SPATA24: variants seen among roughly 807,000 people sequenced by gnomAD.
SPATA24 encodes spermatogenesis-associated protein 24.
Under a neutral mutation model 28.9 loss-of-function variants are expected in SPATA24, and 21 were observed. The ratio of observed to expected loss-of-function variants is 0.73; its 90% confidence interval spans 0.52 to 1.05. SPATA24 has a LOEUF of 1.05. Among genes scored for constraint, SPATA24 ranks in the 50% least tolerant of loss-of-function variants. The probability of loss-of-function intolerance (pLI) is 0.00; values close to 1 mark genes in which losing one functional copy is unlikely to be tolerated. For missense variants in SPATA24, 215 were observed against 242.9 expected, an observed-to-expected ratio of 0.88 and a Z score of 0.76; for synonymous variants, 76 against 89.9, an observed-to-expected ratio of 0.85 and a Z score of 0.88.
chr5:139,395,057 C>A (rs769683121), downstream of SPATA24: 2 of 1,418,278 alleles, frequency 1.4e-6, no homozygotes, highest in South Asian at 1.5e-5. Flanking sequence ...CCAGGCAGGG[C>A]TGGCGGGGCG....
chr5:139,403,591 G>A (rs1302412403), intron 1 of SPATA24, among the ~76,000 whole-genome samples: 1 of 152,198 alleles, frequency 6.6e-6, no homozygotes, highest in Non-Finnish European at 1.5e-5. Context: ...CGGGAATGGT[G>A]TCCATAATAG....
downstream of SPATA24, chr5:139,393,783 G>C (rs1193313788): frequency 6.4e-7 from 1 of 1,551,322 alleles, no homozygotes; most frequent in Non-Finnish European, 8.7e-7. Context: ...ACTCGGAGGA[G>C]GCTTCAGGGA....
At chr5:139,393,777 G>C (rs980045158), downstream of SPATA24, 7 of 1,551,330 alleles carry the variant, frequency 4.5e-6, no homozygotes, top group African/African-American at 6.8e-5. Flanking sequence ...TTTCCCACTC[G>C]GAGGAGGCTT....
chr5:139,393,109 T>G (rs1415962032), downstream of SPATA24: 6 of 1,524,380 alleles, frequency 3.9e-6, no homozygotes, highest in South Asian at 7.4e-5. Flanking sequence ...GCCGCCCTCC[T>G]CCCCGCAGGG....
chr5:139,397,182 T>C (rs1758729935), intron 4 of SPATA24, 39 bp from the exon 5 acceptor site: 1 of 1,473,138 alleles, frequency 6.8e-7, no homozygotes, highest in Non-Finnish European at 9.3e-7. Flanking sequence ...GTGGTTCCCA[T>C]CCCAGGGCTC....
At chr5:139,393,119 G>T (rs1232977793), downstream of SPATA24, 11 of 1,529,734 alleles carry the variant, frequency 7.2e-6, no homozygotes, top group Non-Finnish European at 8.8e-6. Flanking sequence ...TCCCCGCAGG[G>T]GTCGGCAGGA....
At chr5:139,403,872 ACAGGTT>A in intron 1 of SPATA24, 66 bp downstream of exon 1, 1 of 1,306,418 alleles carries the variant, frequency 7.7e-7, no homozygotes, top group Non-Finnish European at 1.1e-6. Flanking sequence ...CCGCATCGGA[ACAGGTT>A]CTGGCCCCGC....
chr5:139,392,712 G>C (rs1165097566), downstream of SPATA24: 6 of 1,406,418 alleles, frequency 4.3e-6, no homozygotes, highest in South Asian at 6.4e-5. This position sits in a 1 kb window ranked among gnomAD's most constrained non-coding sequence, Gnocchi z 5.8. Flanking sequence ...CTGGCCCTAC[G>C]GGGGAGCGCT....
At chr5:139,400,597 C>T (rs986676627) in intron 4 of SPATA24, among the ~76,000 whole-genome samples, 8 of 151,918 alleles carry the variant, frequency 5.3e-5, no homozygotes, top group Admixed American at 2.0e-4. Context: ...CATGAGCCAC[C>T]GCGCCCAGCC....
rs1417713662 is a variant in SPATA24, at chr5:139,404,069, C to T, written c.-9G>A. On this transcript the variant is annotated 5_prime_UTR_variant, in exon 1 of 6. Coordinates refer to ENST00000450845, the MANE Select transcript of SPATA24 (RefSeq NM_194296.2). ...CCGAGGGGCGTCGCCATCTTCCGCC[C>T]CCGCCAGCTAGTTGGAAATGGCTGC... The T allele has an allele frequency of 6.5e-6, 10 of 1,550,208 alleles. No homozygotes were observed. In the East Asian group the frequency reaches 2.0e-4, roughly 30 times the overall value.
chr5:139,403,445 C>A (rs1222824875), intron 1 of SPATA24, among the ~76,000 whole-genome samples: 2 of 152,222 alleles, frequency 1.3e-5, no homozygotes, highest in African/African-American at 4.8e-5. Flanking sequence ...GACTGCAATG[C>A]TTTGCACCCA....
downstream of SPATA24, chr5:139,394,230 C>T: frequency 6.5e-7 from 1 of 1,548,672 alleles, no homozygotes; most frequent in Non-Finnish European, 8.7e-7. Context: ...TGCTGCGGGC[C>T]GTTTCCCGGG....
downstream of SPATA24, chr5:139,395,101 C>T: frequency 1.4e-6 from 2 of 1,390,422 alleles, no homozygotes; most frequent in Non-Finnish European, 1.9e-6. Flanking sequence ...GGACGCCGTG[C>T]ACTATCTCCC....
downstream of SPATA24, chr5:139,393,238 C>T (rs1408742213): frequency 1.3e-6 from 2 of 1,548,886 alleles, no homozygotes; most frequent in African/African-American, 1.4e-5. Context: ...GCGCGGGCGT[C>T]CCGAGGCCGC....
chr5:139,392,606 C>CG, downstream of SPATA24: 1 of 1,369,728 alleles, frequency 7.3e-7, no homozygotes. This position sits in a 1 kb window ranked among gnomAD's most constrained non-coding sequence, Gnocchi z 5.8. Flanking sequence ...GCCGCGGGCT[C>CG]GGGGGCCGTA....
At chr5:139,402,931 G>C (rs935595833) in intron 1 of SPATA24, among the ~76,000 whole-genome samples, 11 of 152,242 alleles carry the variant, frequency 7.2e-5, no homozygotes, top group Middle Eastern at 3.2e-3. Flanking sequence ...CTAACATGTT[G>C]TGTGCCTTGA....
chr5:139,395,643 A>C (rs193088576), downstream of SPATA24: 49 of 152,656 alleles, frequency 3.2e-4, no homozygotes, highest in Admixed American at 1.6e-3. Flanking sequence ...TCTTGACCCC[A>C]GTTACACTCT....
intron 2 of SPATA24, 45 bp from the exon 3 acceptor site, chr5:139,402,090 G>C (rs1197795979): frequency 1.9e-6 from 3 of 1,538,502 alleles, no homozygotes; most frequent in Non-Finnish European, 2.6e-6. Flanking sequence ...GGCCGCCTTG[G>C]GTCTCCTAGA....
At chr5:139,401,678 C>T (rs757067712) in intron 4 of SPATA24, 77 bp downstream of exon 4, 194 of 1,462,066 alleles carry the variant, frequency 1.3e-4, no homozygotes, top group Non-Finnish European at 1.8e-4. Context: ...GAAACCCTGC[C>T]TTTGACACAG....
Sources: allele counts gnomAD v4.1 joint callset (sites outside exome capture counted in the v4.1 genomes callset), GRCh38; gene constraint gnomAD v4.1.1; non-coding constraint Gnocchi (gnomAD v3.1); transcripts MANE v1.5; gene names NCBI Gene and HGNC (gene_info 2026-07-23, HGNC 2026-07-21).